Variants in MYO3B observed in about 807,000 individuals in gnomAD.
MYO3B encodes myosin IIIB, also known as myosin-IIIb.
Under a neutral mutation model 174.6 loss-of-function variants are expected in MYO3B, and 156 were observed. The observed-to-expected ratio is 0.89, with a 90% CI of 0.78 to 1.02. The LOEUF is 1.02. Among genes scored for constraint, MYO3B ranks in the 50% least tolerant of loss-of-function variants. The pLI is 0.00. For missense variants in MYO3B, 1,632 were observed against 1,639.4 expected (o/e 1.00, Z 0.08); for synonymous variants, 563 against 569.1 (o/e 0.99, Z 0.15).
intron 16 of MYO3B, among the ~76,000 whole-genome samples, chr2:170,399,255 A>G (rs2094459646): frequency 1.6e-5 from 2 of 124,120 alleles, no homozygotes; most frequent in Admixed American, 1.5e-4. Context: ...AAAAAAAAAA[A>G]AAAAAAAAAA....
chr2:170,481,913 G>A (rs779015285), intron 25 of MYO3B, among the ~76,000 whole-genome samples: 16 of 152,162 alleles, frequency 1.1e-4, no homozygotes, highest in Admixed American at 2.0e-4. Flanking sequence ...TTAGGGAGGT[G>A]AAACTTTGAA....
In MYO3B at chr2:170,366,524, G is replaced by T. The variant is rs183360902; in HGVS notation, c.816-2698G>T. Among the ~76,000 whole-genome samples, 19 of 152,102 alleles carry T rather than the reference G, an allele frequency of 1.2e-4. 1 individual carries two copies. The East Asian group carries it at 3.7e-3, about 29-fold the overall frequency. On this transcript the variant is annotated intron_variant, in intron 8 of 34. Transcript: ENST00000408978. ...GCTCAGGCTTCTCTTGAACTCCTGG[G>T]CTCAAGAAATCCTCCTATCTGGGCT...
intron 9 of MYO3B, among the ~76,000 whole-genome samples, chr2:170,375,343 T>C (rs1367921457): frequency 6.6e-6 from 1 of 152,128 alleles, no homozygotes; most frequent in Non-Finnish European, 1.5e-5. Flanking sequence ...AAGGACTCGA[T>C]TGTCTCTGCC....
intron 29 of MYO3B, among the ~76,000 whole-genome samples, chr2:170,518,349 T>C (rs770345860): frequency 6.6e-6 from 1 of 152,238 alleles, no homozygotes; most frequent in Non-Finnish European, 1.5e-5. Flanking sequence ...TTATCTTTGT[T>C]GGTTACTTTT....
Position 170,466,564 on chromosome 2 carries a change from G to A in MYO3B, c.2867G>A (p.Cys956Tyr), listed in dbSNP as rs745854539. 4.3e-6 allele frequency: 7 copies of A among 1,614,052 alleles called. No individual in the cohort carries two copies. Among genetic ancestry groups the A allele is most frequent in the South Asian group, 2.2e-5 (2 of 91,074 alleles). The change falls in exon 25 of 35, where the codon TGC (cysteine) becomes TAC (tyrosine). Residue 956 changes from cysteine (C) to tyrosine (Y), a missense_variant. By Grantham distance (194) the Cys-to-Tyr change is radical. Coordinates refer to ENST00000408978, the MANE Select transcript of MYO3B (RefSeq NM_138995.5). Reference sequence around the variant, plus strand: ...GTTGGACAGCCCCACTTTGTGCGCTGCATTAAACCCAATGATGACCGAGAG... The same window carrying A: ...GTTGGACAGCCCCACTTTGTGCGCTACATTAAACCCAATGATGACCGAGAG... ...MVVGQPHFVRCIKPNDDREAL... is the reference protein window; with the variant it reads ...MVVGQPHFVRYIKPNDDREAL...
At chr2:170,406,025 T>C (rs1212075098) in intron 21 of MYO3B, among the ~76,000 whole-genome samples, 1 of 152,198 alleles carries the variant, frequency 6.6e-6, no homozygotes, top group African/African-American at 2.4e-5. Flanking sequence ...TTTAGTACTT[T>C]AATCATATGT....
rs1339025286 is a variant in MYO3B, at chr2:170,369,383, G to C, written c.971+6G>C. On this transcript the variant is annotated splice_donor_region_variant and intron_variant, in intron 9 of 34. Coordinates refer to ENST00000408978, the MANE Select transcript of MYO3B (RefSeq NM_138995.5). ...AATCCTGTTGCTAAAACCAGGTACT[G>C]TACTCTCTTTCTTCTTTCTCCCTGT... 1 of 1,608,760 alleles carries C rather than the reference G, an allele frequency of 6.2e-7. No individual in the cohort carries two copies. Among genetic ancestry groups the C allele is most frequent in the Non-Finnish European group, 8.5e-7 (1 of 1,176,942 alleles).
chr2:170,311,594 A>G (rs2093739696), intron 7 of MYO3B, among the ~76,000 whole-genome samples: 1 of 151,266 alleles, frequency 6.6e-6, no homozygotes, highest in Admixed American at 6.6e-5. Context: ...CCTTTGAAAC[A>G]TAAAAGCTTT....
chr2:170,359,005 A>G (rs1233344868), intron 8 of MYO3B, among the ~76,000 whole-genome samples: 4 of 152,212 alleles, frequency 2.6e-5, no homozygotes, highest in Non-Finnish European at 4.4e-5. Context: ...TCAGAAAAGT[A>G]AAAGAATAAC....
chr2:170,335,698 T>C (rs559963413), intron 8 of MYO3B, among the ~76,000 whole-genome samples: 13 of 152,336 alleles, frequency 8.5e-5, no homozygotes, highest in African/African-American at 2.6e-4. Flanking sequence ...GAGAACCTAC[T>C]TTGTCTTAGG....
intron 32 of MYO3B, among the ~76,000 whole-genome samples, chr2:170,606,661 T>G (rs576511645): frequency 2.0e-5 from 3 of 152,358 alleles, no homozygotes; most frequent in African/African-American, 7.2e-5. Flanking sequence ...TGAGCATTGC[T>G]GTGGATTTAG....
chr2:170,323,941 A>G (rs538071089), intron 7 of MYO3B, among the ~76,000 whole-genome samples: 30 of 152,248 alleles, frequency 2.0e-4, no homozygotes, highest in African/African-American at 6.3e-4. Flanking sequence ...CTGACTCCCT[A>G]TCTTTGACTT....
chr2:170,327,827 T>G (rs2093879719), intron 7 of MYO3B, among the ~76,000 whole-genome samples: 1 of 149,888 alleles, frequency 6.7e-6, no homozygotes. Context: ...TTTCTGTAAT[T>G]TTTTCAAATG....
At chr2:170,646,957 G>T in intron 32 of MYO3B, 1 of 1,325,358 alleles carries the variant, frequency 7.5e-7, no homozygotes, top group East Asian at 4.7e-5. Context: ...TCTTTCAATT[G>T]TTTTTATCTT....
At chr2:170,311,328 C>A (rs1370495208) in intron 7 of MYO3B, among the ~76,000 whole-genome samples, 1 of 151,882 alleles carries the variant, frequency 6.6e-6, no homozygotes, top group Non-Finnish European at 1.5e-5. Flanking sequence ...AAGCGATACT[C>A]CTGGTGGTTT....
chr2:170,245,281 A>G (rs1053983806), intron 7 of MYO3B, among the ~76,000 whole-genome samples: 1 of 152,144 alleles, frequency 6.6e-6, no homozygotes, highest in African/African-American at 2.4e-5. Flanking sequence ...AACCCTGGTG[A>G]ACTGTATAGG....
chr2:170,584,432 G>A (rs868238028), intron 32 of MYO3B, among the ~76,000 whole-genome samples: 94 of 152,222 alleles, frequency 6.2e-4, no homozygotes, highest in African/African-American at 2.2e-3. Flanking sequence ...CATGAGTTAT[G>A]CATAACTTTT....
intron 30 of MYO3B, among the ~76,000 whole-genome samples, chr2:170,528,129 A>C (rs1689118882): frequency 6.6e-6 from 1 of 152,258 alleles, no homozygotes; most frequent in Non-Finnish European, 1.5e-5. Context: ...TAATTAAACA[A>C]GTGAAGGGAG....
chr2:170,422,977 C>CTTTTTTTTTTTTTTTTTTTTT lies in MYO3B; in HGVS notation c.2650+15134_2650+15154dup, dbSNP rs34882424. On this transcript the variant is annotated intron_variant, in intron 22 of 34. Transcript: ENST00000408978. ...TTAGACCAACCATATTTCTTTCTTT[C>CTTTTTTTTTTTTTTTTTTTTT]TTTTTTTTTTTTTTTTTTTTTGAGA... is the stretch of plus-strand genomic sequence containing the variant. 4.9e-4 allele frequency among the ~76,000 whole-genome samples: 43 copies of CTTTTTTTTTTTTTTTTTTTTT among 88,502 alleles called. 2 individuals carry two copies. The highest frequency in any genetic ancestry group is 7.0e-4 in the East Asian group (2 of 2,838). 58.1% of individuals were successfully genotyped at this position (88,502 alleles called of 152,430 possible).
Sources: allele counts gnomAD v4.1 joint callset (sites outside exome capture counted in the v4.1 genomes callset), GRCh38; gene constraint gnomAD v4.1.1; transcripts MANE v1.5; gene names NCBI Gene and HGNC (gene_info 2026-07-23, HGNC 2026-07-21).